POLR1C: variants seen among roughly 807,000 people sequenced by gnomAD.
POLR1C encodes RNA polymerase I and III subunit C.
Under a neutral mutation model 38.3 loss-of-function variants are expected in POLR1C, and 42 were observed. That is an observed-to-expected ratio of 1.10 (90% CI 0.86 to 1.42). The LOEUF (loss-of-function observed/expected upper bound fraction) is 1.42. POLR1C is among the 40% of genes most tolerant of loss of function. The pLI, the probability that POLR1C is intolerant of heterozygous loss-of-function variation, is 0.00. For missense variants in POLR1C, 507 were observed against 450.5 expected (o/e 1.13, Z -1.14); for synonymous variants, 163 against 163.9 (o/e 0.99, Z 0.04).
chr6:43,522,742 T>A (rs764078203), downstream of POLR1C: 2 of 497,264 alleles, frequency 4.0e-6, no homozygotes, highest in South Asian at 3.0e-5. Flanking sequence ...GGACAACAGG[T>A]CTGTTTTTGT....
At chr6:43,526,167 C>T (rs190368305), downstream of POLR1C, 3 of 501,830 alleles carry the variant, frequency 6.0e-6, no homozygotes, top group East Asian at 1.0e-4. Context: ...GCTGCAAATA[C>T]TGAAGTTACT....
chr6:43,530,623 C>G, downstream of POLR1C: 2 of 1,562,470 alleles, frequency 1.3e-6, no homozygotes, highest in Non-Finnish European at 1.7e-6. Context: ...GTTGCTGTGA[C>G]CTGTTTTGTT....
intron 9 of POLR1C, among the ~76,000 whole-genome samples, chr6:43,537,467 G>A (rs965587260): frequency 2.0e-5 from 3 of 152,080 alleles, no homozygotes; most frequent in Non-Finnish European, 4.4e-5. Flanking sequence ...AAGCTTGGCC[G>A]GCAATATGGT....
At chr6:43,537,358 G>A (rs994615160) in intron 9 of POLR1C, among the ~76,000 whole-genome samples, 1 of 152,052 alleles carries the variant, frequency 6.6e-6, no homozygotes. Context: ...CTTTACTATT[G>A]TGTTGAACCC....
chr6:43,525,719 GA>G (rs1793541777), downstream of POLR1C: 1 of 1,064,628 alleles, frequency 9.4e-7, no homozygotes, highest in Non-Finnish European at 1.3e-6. Flanking sequence ...TTGGAACCAG[GA>G]ACTTATGTAA....
chr6:43,560,169 A>G (rs1762343737), intron 10 of POLR1C: 3 of 1,612,032 alleles, frequency 1.9e-6, no homozygotes, highest in East Asian at 4.5e-5. Context: ...TTAGATTCCC[A>G]TTATATACCT....
chr6:43,520,308 G>A lies in POLR1C; in HGVS notation c.536G>A (p.Gly179Glu), dbSNP rs762980148. Reference sequence around the variant, plus strand: ...AGGCATATGACATGGATCCCCCTGGGGAACCAGGCTGATCTCTTTCCAGAG... The same window carrying A: ...AGGCATATGACATGGATCCCCCTGGAGAACCAGGCTGATCTCTTTCCAGAG... The part of the protein sequence containing the change: ...YTRHMTWIPL[G>E]NQADLFPEGT... The change falls in exon 6 of 9, where the codon GGG becomes GAG. Residue 179 changes from glycine (G) to glutamate (E), a missense_variant. By Grantham distance (98) the Gly-to-Glu change is moderately conservative. Transcript: ENST00000642195. 3 of 1,612,956 alleles carry A rather than the reference G, an allele frequency of 1.9e-6. No homozygotes were observed. Among genetic ancestry groups the A allele is most frequent in the Admixed American group, 1.7e-5 (1 of 60,010 alleles).
intron 9 of POLR1C, among the ~76,000 whole-genome samples, chr6:43,545,520 A>G (rs2127726098): frequency 6.6e-6 from 1 of 152,194 alleles, no homozygotes; most frequent in South Asian, 2.1e-4. Flanking sequence ...CAGCCTGGCT[A>G]ACATGGCGAA....
At chr6:43,543,501 T>C (rs1794805758) in intron 9 of POLR1C, among the ~76,000 whole-genome samples, 1 of 151,898 alleles carries the variant, frequency 6.6e-6, no homozygotes, top group Admixed American at 6.6e-5. Flanking sequence ...ATCAGAATAG[T>C]AGTTATCTTT....
At chr6:43,556,064 A>C (rs907366370) in intron 10 of POLR1C, 53 of 1,488,088 alleles carry the variant, frequency 3.6e-5, no homozygotes, top group Non-Finnish European at 4.6e-5. Flanking sequence ...AAAAGCATTC[A>C]AAGGAACTGT....
chr6:43,545,593 G>C (rs1304306882), intron 9 of POLR1C, among the ~76,000 whole-genome samples: 1 of 152,084 alleles, frequency 6.6e-6, no homozygotes, highest in Non-Finnish European at 1.5e-5. Context: ...TGTAGTCCCA[G>C]CTACTTGGGT....
At chr6:43,528,616 A>G (rs1793747737) in intron 8 of POLR1C, among the ~76,000 whole-genome samples, 1 of 152,156 alleles carries the variant, frequency 6.6e-6, no homozygotes, top group Non-Finnish European at 1.5e-5. Flanking sequence ...AGAATCTGCA[A>G]CTGAAGCTGT....
At chr6:43,520,516 G>T in intron 6 of POLR1C, 89 bp downstream of exon 6, 2 of 1,602,250 alleles carry the variant, frequency 1.2e-6, no homozygotes, top group Non-Finnish European at 1.7e-6. Flanking sequence ...GACATTCCCG[G>T]CAGGTAGAAA....
chr6:43,561,972 G>C (rs953784272), exon 11 of POLR1C: 5 of 278,516 alleles, frequency 1.8e-5, no homozygotes, highest in Non-Finnish European at 2.7e-5. Context: ...GGTTCTGTAA[G>C]TACCAAAATT....
chr6:43,558,609 A>AT (rs772690147), intron 10 of POLR1C: 4 of 1,559,940 alleles, frequency 2.6e-6, no homozygotes. Context: ...AAGAAAGGTA[A>AT]TTGGGGTAGG....
rs939276237 is a variant in POLR1C at position 43,551,131 on chromosome 6, T to C, written c.*48+120T>C. 3 of 591,852 alleles carry C rather than the reference T, an allele frequency of 5.1e-6. No individual in the cohort carries two copies. The African/African-American group carries it at 5.7e-5, about 11-fold the overall frequency. The allele number at this position is 591,852 out of a possible 1,614,324, so 36.7% of individuals were successfully genotyped here. On this transcript the variant is annotated intron_variant, in intron 10 of 10. Transcript: ENST00000607635. Reference sequence around the variant, plus strand: ...CTAGGCCAGGCATGGTTGTGCATGCTTGTAGTCTCAGCTACTCAGAAGGGT... The same window carrying C: ...CTAGGCCAGGCATGGTTGTGCATGCCTGTAGTCTCAGCTACTCAGAAGGGT...
downstream of POLR1C, chr6:43,524,963 C>G: frequency 6.2e-7 from 1 of 1,613,170 alleles, no homozygotes; most frequent in Middle Eastern, 1.6e-4. Context: ...GTGTCCCTGA[C>G]AGCACCTGGG....
At chr6:43,539,562 G>A (rs996113841) in intron 9 of POLR1C, 29 of 1,379,522 alleles carry the variant, frequency 2.1e-5, no homozygotes, top group Non-Finnish European at 2.5e-5. Flanking sequence ...CGAGCTCCGC[G>A]GCCTCAGCCC....
At chr6:43,542,824 G>GA (rs1794770976) in intron 9 of POLR1C, among the ~76,000 whole-genome samples, 1 of 152,134 alleles carries the variant, frequency 6.6e-6, no homozygotes, top group South Asian at 2.1e-4. Flanking sequence ...TATAAAAACA[G>GA]AAAATACACA....
Sources: gnomAD v4.1 joint callset for allele counts (sites outside exome capture counted in the v4.1 genomes callset) on GRCh38, gnomAD v4.1.1 for gene constraint, MANE v1.5 for transcripts, NCBI Gene and HGNC (gene_info 2026-07-23, HGNC 2026-07-21) for gene names.